Variants in GLIS3 observed in about 807,000 individuals in gnomAD.
GLIS3 encodes zinc finger protein GLIS3.
In GLIS3, 53 loss-of-function variants were observed where a neutral mutation model predicts 78.6. That is an observed-to-expected ratio of 0.67 (90% CI 0.54 to 0.85). GLIS3 has a LOEUF of 0.85. Ranked by LOEUF, GLIS3 falls within the 40% of genes least tolerant of loss-of-function variation. The pLI, the probability that GLIS3 is intolerant of heterozygous loss-of-function variation, is 0.00. For missense variants in GLIS3, 1,703 were observed against 1,231.1 expected, an observed-to-expected ratio of 1.38 and a Z score of -5.74; for synonymous variants, 684 against 509.9, an observed-to-expected ratio of 1.34 and a Z score of -4.60.
intron 4 of GLIS3, among the ~76,000 whole-genome samples, chr9:4,015,133 G>C (rs1563949618): frequency 6.6e-6 from 1 of 152,216 alleles, no homozygotes; most frequent in Non-Finnish European, 1.5e-5. Flanking sequence ...ATTAGATAAA[G>C]TGTCCATGAG....
At chr9:4,216,229 T>C (rs976945244) in intron 2 of GLIS3, among the ~76,000 whole-genome samples, 9 of 152,032 alleles carry the variant, frequency 5.9e-5, no homozygotes, top group South Asian at 2.1e-4. Flanking sequence ...TCCCAGCACT[T>C]TGGGAGGCCG....
the GLIS3 span, among the ~76,000 whole-genome samples, chr9:4,370,178 C>A: frequency 3.3e-4 from 30 of 90,032 alleles, no homozygotes; most frequent in Non-Finnish European, 6.1e-4. Context: ...AGCAAGACTC[C>A]ATCTCAAAAA....
chr9:4,376,739 A>C, the GLIS3 span, among the ~76,000 whole-genome samples: 3 of 135,998 alleles, frequency 2.2e-5, 1 homozygote, highest in South Asian at 8.4e-4. Context: ...TACTATTTTT[A>C]ACCTATCAAA....
intron 4 of GLIS3, among the ~76,000 whole-genome samples, chr9:4,043,568 T>G (rs1370256783): frequency 1.3e-5 from 2 of 152,056 alleles, no homozygotes; most frequent in African/African-American, 4.8e-5. Flanking sequence ...CACCATGAGT[T>G]TTGTCTCAAT....
chr9:4,403,924 G>A, the GLIS3 span, among the ~76,000 whole-genome samples: 2 of 152,052 alleles, frequency 1.3e-5, no homozygotes, highest in African/African-American at 4.8e-5. Flanking sequence ...TCAAAAGACA[G>A]AGAGTGACTG....
At chr9:3,860,459 C>A (rs1157395975) in intron 8 of GLIS3, among the ~76,000 whole-genome samples, 1 of 152,046 alleles carries the variant, frequency 6.6e-6, no homozygotes, top group African/African-American at 2.4e-5. Context: ...CCCCTGTTAT[C>A]ATTGAACTCC....
the GLIS3 span, among the ~76,000 whole-genome samples, chr9:4,435,947 T>TCAAAACAAAACAAAA: frequency 2.0e-5 from 3 of 151,366 alleles, no homozygotes; most frequent in Middle Eastern, 3.4e-3. Context: ...AGACTCCGTC[T>TCAAAACAAAACAAAA]CAAAACAAAA....
chr9:4,260,296 G>A (rs1587194873), intron 2 of GLIS3, among the ~76,000 whole-genome samples: 2 of 152,166 alleles, frequency 1.3e-5, no homozygotes, highest in Admixed American at 1.3e-4. Context: ...GCCGGGCACA[G>A]TGGCTCACAC....
intron 2 of GLIS3, among the ~76,000 whole-genome samples, chr9:4,319,598 T>C (rs969426667): frequency 1.3e-5 from 2 of 152,082 alleles, no homozygotes; most frequent in African/African-American, 4.8e-5. Context: ...GGCATGATCA[T>C]AGCTCACTGT....
the GLIS3 span, among the ~76,000 whole-genome samples, chr9:4,473,485 T>C: frequency 1.4e-4 from 19 of 131,242 alleles, no homozygotes; most frequent in African/African-American, 4.9e-4. Context: ...ATGTACTCCT[T>C]TGCAGGAACA....
At chr9:4,090,954 G>C (rs1446783679) in intron 4 of GLIS3, among the ~76,000 whole-genome samples, 3 of 152,162 alleles carry the variant, frequency 2.0e-5, no homozygotes, top group African/African-American at 7.2e-5. Flanking sequence ...TTCTAACTTA[G>C]GTAAGTTCCT....
chr9:3,955,353 TTCTA>T (rs1385982435), intron 4 of GLIS3, among the ~76,000 whole-genome samples: 6 of 152,318 alleles, frequency 3.9e-5, no homozygotes, highest in Admixed American at 1.3e-4. Context: ...TTCAGATCTT[TTCTA>T]TCTGTTTATT....
chr9:4,032,146 T>C (rs1823895057), intron 4 of GLIS3, among the ~76,000 whole-genome samples: 1 of 152,196 alleles, frequency 6.6e-6, no homozygotes, highest in Non-Finnish European at 1.5e-5. Flanking sequence ...TTCAGTCCTG[T>C]GCAGACTGCC....
At chr9:4,071,504 C>A (rs1003246071) in intron 4 of GLIS3, 1 of 152,166 alleles carries the variant, frequency 6.6e-6, no homozygotes, top group African/African-American at 2.4e-5. Flanking sequence ...TTCTAATTCA[C>A]CCATGACCTT....
the GLIS3 span, among the ~76,000 whole-genome samples, chr9:4,417,351 G>A: frequency 1.3e-5 from 2 of 152,132 alleles, no homozygotes; most frequent in East Asian, 3.8e-4. Context: ...ACCATGAAAA[G>A]CAAGGACTGT....
the GLIS3 span, among the ~76,000 whole-genome samples, chr9:4,437,442 ATC>A: frequency 2.0e-5 from 3 of 151,832 alleles, no homozygotes; most frequent in Non-Finnish European, 4.4e-5. Flanking sequence ...CTATCTATCT[ATC>A]TATCTATCTA....
chr9:4,307,076 A>AG (rs1817243783), intron 4 of GLIS3, among the ~76,000 whole-genome samples: 1 of 152,194 alleles, frequency 6.6e-6, no homozygotes, highest in Non-Finnish European at 1.5e-5. Flanking sequence ...TGGCAATGAT[A>AG]ACAACTCACA....
chr9:4,253,943 T>C (rs2129912325), intron 2 of GLIS3, among the ~76,000 whole-genome samples: 1 of 152,260 alleles, frequency 6.6e-6, no homozygotes, highest in African/African-American at 2.4e-5. Context: ...GCACTCACTG[T>C]CTAACCAGTC....
intron 4 of GLIS3, chr9:4,054,552 G>C (rs1039586441): frequency 3.2e-6 from 3 of 941,218 alleles, no homozygotes; most frequent in African/African-American, 3.6e-5. Context: ...GATCAGTGCG[G>C]AGCAGGTCAC....
Sources: allele counts gnomAD v4.1 joint callset (sites outside exome capture counted in the v4.1 genomes callset), GRCh38; gene constraint gnomAD v4.1.1; transcripts MANE v1.5; gene names NCBI Gene and HGNC (gene_info 2026-07-23, HGNC 2026-07-21).